KCNQ3: variants seen among roughly 807,000 people sequenced by gnomAD.
The protein encoded by KCNQ3 is potassium voltage-gated channel subfamily KQT member 3.
In KCNQ3, 30 loss-of-function variants were observed where a neutral mutation model predicts 92.5. The observed-to-expected ratio is 0.32, with a 90% confidence interval of 0.24 to 0.44. KCNQ3 has a LOEUF of 0.44. KCNQ3 is among the 20% of genes least tolerant of loss of function. KCNQ3 has a pLI of 1.00. For missense variants in KCNQ3, 913 were observed against 1,140.3 expected, an observed-to-expected ratio of 0.80 and a Z score of 2.87; for synonymous variants, 450 against 468.8, an observed-to-expected ratio of 0.96 and a Z score of 0.52.
chr8:132,186,946 G>GAGAGAC (rs1826982175), intron 1 of KCNQ3, among the ~76,000 whole-genome samples: 3 of 117,600 alleles, frequency 2.6e-5, no homozygotes, highest in Non-Finnish European at 5.4e-5. Flanking sequence ...GAGAGAGAGA[G>GAGAGAC]AGAGAGAGAC....
chr8:132,444,192 G>C (rs565009354), intron 1 of KCNQ3, among the ~76,000 whole-genome samples: 1 of 152,116 alleles, frequency 6.6e-6, no homozygotes, highest in South Asian at 2.1e-4. Context: ...GACGTGGGTG[G>C]GTTGCTGAGC....
chr8:132,158,402 T>A (rs1469062948), intron 9 of KCNQ3, among the ~76,000 whole-genome samples: 2 of 152,226 alleles, frequency 1.3e-5, no homozygotes, highest in Non-Finnish European at 2.9e-5. Context: ...TTATAGTGTC[T>A]GACCAAATGT....
chr8:132,203,842 T>A (rs1480281608), intron 1 of KCNQ3, among the ~76,000 whole-genome samples: 1 of 152,256 alleles, frequency 6.6e-6, no homozygotes, highest in African/African-American at 2.4e-5. Flanking sequence ...TTATTAATGA[T>A]TGTTATTTTT....
intron 1 of KCNQ3, among the ~76,000 whole-genome samples, chr8:132,306,852 C>T (rs1817441266): frequency 6.6e-6 from 1 of 152,166 alleles, no homozygotes; most frequent in South Asian, 2.1e-4. Context: ...CTCTTGACAG[C>T]ATTTTTTTAT....
At position 132,167,135 on chromosome 8, in the gene KCNQ3, C is replaced by T. The variant is rs201574266; in HGVS notation, c.1235+3199G>A. 3.3e-5 allele frequency among the ~76,000 whole-genome samples: 5 copies of T among 152,214 alleles called. No individual in the cohort carries two copies. In the East Asian group the frequency reaches 7.7e-4, roughly 23 times the overall value. ...GATAGGCGCTACAACACAAATGAAACTTGAAAACATTATGCAAAGTGAAAG... is the reference window on the plus strand; with the variant it reads ...GATAGGCGCTACAACACAAATGAAATTTGAAAACATTATGCAAAGTGAAAG... On this transcript the variant is annotated intron_variant, in intron 8 of 14. Transcript: ENST00000388996.
intron 1 of KCNQ3, among the ~76,000 whole-genome samples, chr8:132,464,648 A>G (rs1233556240): frequency 6.6e-6 from 1 of 152,202 alleles, no homozygotes; most frequent in Non-Finnish European, 1.5e-5. Context: ...AAAACGAAGG[A>G]GGAAGTGGTC....
intron 1 of KCNQ3, among the ~76,000 whole-genome samples, chr8:132,385,775 C>T (rs1307741904): frequency 6.6e-6 from 1 of 151,930 alleles, no homozygotes; most frequent in Non-Finnish European, 1.5e-5. Context: ...GGAGGTGTGG[C>T]AGTGAGCCCC....
chr8:132,391,576 AACT>A (rs748940411), intron 1 of KCNQ3, among the ~76,000 whole-genome samples: 2 of 152,120 alleles, frequency 1.3e-5, no homozygotes, highest in Non-Finnish European at 1.5e-5. Context: ...AACATCACCA[AACT>A]ACTCTGCAAG....
chr8:132,140,131 C>A lies in KCNQ3; in HGVS notation c.1513G>T (p.Asp505Tyr). The change falls in exon 11 of 15, where the codon GAC (aspartate) becomes TAC (tyrosine). Residue 505 changes from aspartate to tyrosine, a missense_variant. Around this residue, in one of 6 missense-constraint regions of KCNQ3, gnomAD observed 182 missense variants for 234.5 expected, o/e 0.78. Transcript: ENST00000388996. ...PMAEDRGYGN[D>Y]FPIEDMIPTL... ...GGGATCATGTCTTCGATGGGGAAGT[C>A]ATTCCCATAGCCCCTGTCTTCCGCC... The A allele has an allele frequency of 6.2e-7, 1 of 1,612,826 alleles. No individual in the cohort carries two copies. The highest frequency in any genetic ancestry group is 1.3e-5 in the African/African-American group (1 of 74,974).
chr8:132,148,247 T>C (rs964510638), intron 9 of KCNQ3, among the ~76,000 whole-genome samples: 1 of 151,562 alleles, frequency 6.6e-6, no homozygotes, highest in African/African-American at 2.4e-5. Context: ...ATGATGGTAA[T>C]TTCTTTTTCT....
At chr8:132,293,534 T>C (rs1344667553) in intron 1 of KCNQ3, among the ~76,000 whole-genome samples, 1 of 152,188 alleles carries the variant, frequency 6.6e-6, no homozygotes, top group African/African-American at 2.4e-5. Context: ...AGAGAGTTTT[T>C]CCCTACACGA....
chr8:132,344,038 T>A (rs988173417), intron 1 of KCNQ3, among the ~76,000 whole-genome samples: 1 of 152,238 alleles, frequency 6.6e-6, no homozygotes, highest in African/African-American at 2.4e-5. Flanking sequence ...GGCCTCTGCA[T>A]GCAGGTGCCT....
At chr8:132,365,753 G>A (rs1819303623) in intron 1 of KCNQ3, among the ~76,000 whole-genome samples, 1 of 152,202 alleles carries the variant, frequency 6.6e-6, no homozygotes, top group Non-Finnish European at 1.5e-5. Flanking sequence ...ACTATGGCTT[G>A]GCGCAGTGGC....
At chr8:132,329,836 T>A (rs1221049063) in intron 1 of KCNQ3, among the ~76,000 whole-genome samples, 1 of 152,106 alleles carries the variant, frequency 6.6e-6, no homozygotes, top group East Asian at 1.9e-4. Flanking sequence ...CTACCCCACA[T>A]GGTTGTGCAA....
At chr8:132,174,794 C>G (rs189555421) in intron 5 of KCNQ3, among the ~76,000 whole-genome samples, 1 of 152,282 alleles carries the variant, frequency 6.6e-6, no homozygotes, top group East Asian at 1.9e-4. Context: ...TATCAGTATA[C>G]ATGTACTTAT....
intron 1 of KCNQ3, among the ~76,000 whole-genome samples, chr8:132,361,347 T>A (rs889349647): frequency 2.0e-5 from 3 of 152,166 alleles, no homozygotes; most frequent in Admixed American, 1.3e-4. Context: ...AGCAAAACTC[T>A]CCCCAAATGG....
intron 8 of KCNQ3, among the ~76,000 whole-genome samples, chr8:132,166,625 T>G (rs1264172592): frequency 1.3e-5 from 2 of 152,162 alleles, no homozygotes; most frequent in Non-Finnish European, 2.9e-5. Flanking sequence ...GGTTTGGACT[T>G]GAAACTCTTT....
At chr8:132,263,562 T>C (rs1815862278) in intron 1 of KCNQ3, among the ~76,000 whole-genome samples, 1 of 152,204 alleles carries the variant, frequency 6.6e-6, no homozygotes, top group Admixed American at 6.5e-5. Flanking sequence ...AGAGTCCACC[T>C]AAGCAGACTC....
rs186208751 is a variant in KCNQ3, at chr8:132,479,550, T to A, written c.386+597A>T. 4.6e-5 allele frequency among the ~76,000 whole-genome samples: 7 copies of A among 152,028 alleles called. No individual in the cohort carries two copies. The East Asian group carries it at 7.8e-4, about 17-fold the overall frequency. On this transcript the variant is annotated intron_variant, in intron 1 of 14. Coordinates refer to ENST00000388996, the MANE Select transcript of KCNQ3 (RefSeq NM_004519.4). Reference sequence around the variant, plus strand: ...ATCCTAGAACATGCATTTTGGCCAGTCCCAGCTCCCAGTCAGAGCAGCACC... The same window carrying A: ...ATCCTAGAACATGCATTTTGGCCAGACCCAGCTCCCAGTCAGAGCAGCACC...
Sources: allele counts gnomAD v4.1 joint callset (sites outside exome capture counted in the v4.1 genomes callset), GRCh38; gene constraint gnomAD v4.1.1; regional missense constraint gnomAD v4.1.1; transcripts MANE v1.5; gene names NCBI Gene and HGNC (gene_info 2026-07-23, HGNC 2026-07-21).